The following MYO9B variants were observed in gnomAD, a reference collection of about 807,000 sequenced individuals.
MYO9B encodes myosin IXB.
MYO9B carries 71 observed loss-of-function variants against 229.5 expected under a neutral mutation model. The observed-to-expected ratio is 0.31, with a 90% CI of 0.26 to 0.38. MYO9B has a LOEUF of 0.38. MYO9B is among the 10% of genes least tolerant of loss of function. The pLI, the probability that MYO9B is intolerant of heterozygous loss-of-function variation, is 1.00. For missense variants in MYO9B, 2,255 were observed against 2,920.5 expected (o/e 0.77, Z 5.25); for synonymous variants, 1,185 against 1,235.8 (o/e 0.96, Z 0.86).
At chr19:17,098,947 A>G (rs1484714821) in intron 1 of MYO9B, among the ~76,000 whole-genome samples, 2 of 127,668 alleles carry the variant, frequency 1.6e-5, no homozygotes, top group Admixed American at 8.1e-5. Context: ...AAAAAAAAAA[A>G]GAAGAAGAAA....
chr19:17,175,958 G>A (rs749553079), intron 14 of MYO9B, among the ~76,000 whole-genome samples: 5 of 150,374 alleles, frequency 3.3e-5, no homozygotes, highest in Non-Finnish European at 7.4e-5. Context: ...TCAGCCTCCC[G>A]AGTAGCTGGG....
At chr19:17,209,809 A>G (rs1009969734) in intron 36 of MYO9B, 100 bp downstream of exon 36, 166 of 711,760 alleles carry the variant, frequency 2.3e-4, no homozygotes, top group Middle Eastern at 5.4e-4. Context: ...AAGGCTGGTG[A>G]GTGGGGTCTT....
chr19:17,199,583 C>T (rs12978264), intron 24 of MYO9B, among the ~76,000 whole-genome samples: 1 of 151,530 alleles, frequency 6.6e-6, no homozygotes, highest in Non-Finnish European at 1.5e-5. Context: ...GCTCAATCTC[C>T]GCTCACTGCA....
At chr19:17,173,313 T>TTA (rs547342934) in intron 13 of MYO9B, among the ~76,000 whole-genome samples, 7,985 of 125,856 alleles carry the variant, frequency 0.063, 613 homozygotes, top group South Asian at 0.12. Context: ...TTTTTTTTTT[T>TTA]AGAGACAGGG....
chr19:17,211,362 C>T (rs541278164), intron 38 of MYO9B, among the ~76,000 whole-genome samples: 1 of 152,294 alleles, frequency 6.6e-6, no homozygotes, highest in South Asian at 2.1e-4. Context: ...GCCACAATCC[C>T]CTAGGCTCAC....
At chr19:17,120,506 G>A (rs1353497685) in intron 2 of MYO9B, among the ~76,000 whole-genome samples, 2 of 150,934 alleles carry the variant, frequency 1.3e-5, no homozygotes, top group African/African-American at 4.9e-5. Context: ...AGCCAGGCAT[G>A]TGCCTGTAAC....
At chr19:17,184,662 C>T (rs2072897898) in intron 16 of MYO9B, 1 of 565,278 alleles carries the variant, frequency 1.8e-6, no homozygotes, top group African/African-American at 1.9e-5. Context: ...CTCCCGGAAC[C>T]AGCGCTGTGT....
At chr19:17,152,563 C>CAA (rs199684217) in intron 3 of MYO9B, 81 bp from the exon 4 acceptor site, 4,475 of 902,544 alleles carry the variant, frequency 5.0e-3, no homozygotes, top group East Asian at 0.01. Flanking sequence ...ACTCCCATCT[C>CAA]AAAAAAAAAA....
intron 14 of MYO9B, among the ~76,000 whole-genome samples, chr19:17,176,948 C>A (rs1253168034): frequency 6.6e-6 from 1 of 152,190 alleles, no homozygotes; most frequent in African/African-American, 2.4e-5. Context: ...CGCCTGTAAT[C>A]CCAGCACTTT....
chr19:17,200,118 C>T (rs554937045), intron 24 of MYO9B, among the ~76,000 whole-genome samples, 175 bp from the exon 25 acceptor site: 1 of 152,274 alleles, frequency 6.6e-6, no homozygotes, highest in East Asian at 1.9e-4. Flanking sequence ...GATGATCCAC[C>T]CGCCTGGATC....
In MYO9B at chr19:17,102,519, G is replaced by A. The variant is rs763155565; in HGVS notation, c.802G>A (p.Val268Ile). The A allele has an allele frequency of 9.9e-6, 16 of 1,609,628 alleles. No individual in the cohort carries two copies. Among genetic ancestry groups the A allele is most frequent in the African/African-American group, 2.7e-5 (2 of 74,858 alleles). The change falls in exon 2 of 40, where the codon GTC becomes ATC. Residue 268 changes from valine to isoleucine, a missense_variant. By Grantham distance (29) the Val-to-Ile change is conservative. Around this residue, in one of 7 missense-constraint regions of MYO9B, gnomAD observed 386 missense variants for 515.2 expected, o/e 0.75. Transcript: ENST00000682292. ...ALSQKGYASG[V>I]ERTILGAGPV... The stretch of plus-strand genomic sequence containing the variant: ...CAGCCAGAAGGGCTACGCCAGCGGC[G>A]TCGAGAGGACCATCCTGGGTGCTGG...
intron 26 of MYO9B, among the ~76,000 whole-genome samples, 172 bp downstream of exon 26, chr19:17,201,001 G>A (rs927024408): frequency 4.6e-5 from 7 of 152,228 alleles, no homozygotes. Flanking sequence ...CACTCTGGGA[G>A]GCTGAGACAG....
At chr19:17,200,119 C>T (rs879492724) in intron 24 of MYO9B, among the ~76,000 whole-genome samples, 174 bp from the exon 25 acceptor site, 8 of 152,150 alleles carry the variant, frequency 5.3e-5, no homozygotes, top group Non-Finnish European at 1.0e-4. Context: ...ATGATCCACC[C>T]GCCTGGATCT....
intron 3 of MYO9B, among the ~76,000 whole-genome samples, chr19:17,149,051 T>C (rs577735184): frequency 4.6e-5 from 7 of 152,266 alleles, no homozygotes; most frequent in African/African-American, 1.7e-4. Context: ...TATGGCTCAC[T>C]GCAGCCTTGA....
At chr19:17,150,402 C>T (rs1311552734) in intron 3 of MYO9B, among the ~76,000 whole-genome samples, 4 of 149,146 alleles carry the variant, frequency 2.7e-5, no homozygotes, top group African/African-American at 9.9e-5. Flanking sequence ...AGTGAGACTC[C>T]GTCTCAAAAA....
chr19:17,187,164 C>T (rs530443523), intron 18 of MYO9B, among the ~76,000 whole-genome samples: 51 of 152,364 alleles, frequency 3.3e-4, no homozygotes, highest in African/African-American at 1.2e-3. Flanking sequence ...CAGGAAGCAT[C>T]TCCCTGTGTC....
chr19:17,202,974 C>T (rs1017617517), intron 29 of MYO9B, 91 bp downstream of exon 29: 17 of 1,470,120 alleles, frequency 1.2e-5, no homozygotes, highest in African/African-American at 1.1e-4. Flanking sequence ...CGCATGGGCC[C>T]GTCTGCACGC....
chr19:17,202,624 G>T (rs1051671788), intron 28 of MYO9B, among the ~76,000 whole-genome samples: 2 of 152,172 alleles, frequency 1.3e-5, no homozygotes, highest in African/African-American at 4.8e-5. Flanking sequence ...GTGCCCATTT[G>T]TGCCACACCT....
At chr19:17,079,635 G>C (rs2057516821) in intron 1 of MYO9B, among the ~76,000 whole-genome samples, 1 of 152,122 alleles carries the variant, frequency 6.6e-6, no homozygotes, top group South Asian at 2.1e-4. Context: ...CCATCTTGCT[G>C]TCCCCTTCCC....
Sources: gnomAD v4.1 joint callset for allele counts (sites outside exome capture counted in the v4.1 genomes callset) on GRCh38, gnomAD v4.1.1 for gene constraint, gnomAD v4.1.1 regional missense constraint, MANE v1.5 for transcripts, NCBI Gene and HGNC (gene_info 2026-07-23, HGNC 2026-07-21) for gene names.